Variants in REDIC1 observed in about 807,000 individuals in gnomAD.
REDIC1 encodes the protein regulator of DNA class I crossover intermediates 1, also known as HEI10 Interacting Protein 1.
the REDIC1 span, among the ~76,000 whole-genome samples, chr12:39,679,380 C>G: frequency 1.3e-5 from 2 of 152,100 alleles, no homozygotes; most frequent in Admixed American, 1.3e-4. Context: ...AGCTGAGAAT[C>G]AAATCAAGAA....
the REDIC1 span, among the ~76,000 whole-genome samples, chr12:39,832,069 C>T: frequency 6.6e-6 from 1 of 152,110 alleles, no homozygotes; most frequent in Non-Finnish European, 1.5e-5. Context: ...AATGACACTT[C>T]AGCCCTAGAC....
At chr12:39,881,470 G>T in the REDIC1 span, among the ~76,000 whole-genome samples, 1 of 152,074 alleles carries the variant, frequency 6.6e-6, no homozygotes, top group Non-Finnish European at 1.5e-5. Flanking sequence ...TTCTAATCTT[G>T]TCAGACAACA....
At chr12:39,896,487 T>C in the REDIC1 span, among the ~76,000 whole-genome samples, 4 of 147,744 alleles carry the variant, frequency 2.7e-5, no homozygotes, top group South Asian at 2.1e-4. Context: ...TATGTGTATA[T>C]ATGTACACAT....
the REDIC1 span, chr12:39,721,168 G>T: frequency 6.2e-7 from 1 of 1,613,660 alleles, no homozygotes; most frequent in South Asian, 1.1e-5. Flanking sequence ...TAGAAGTGAT[G>T]TTTCTCTTTG....
At chr12:39,675,994 A>T in the REDIC1 span, among the ~76,000 whole-genome samples, 1 of 152,138 alleles carries the variant, frequency 6.6e-6, no homozygotes, top group Non-Finnish European at 1.5e-5. Context: ...GTCCATCCAA[A>T]TGAGAAGGAA....
chr12:39,808,883 CA>C, the REDIC1 span, among the ~76,000 whole-genome samples: 2 of 152,086 alleles, frequency 1.3e-5, no homozygotes, highest in Non-Finnish European at 2.9e-5. Flanking sequence ...ATTCTCTTAA[CA>C]ATGTCTTTCA....
the REDIC1 span, among the ~76,000 whole-genome samples, chr12:39,711,435 A>G: frequency 1.4e-5 from 1 of 71,668 alleles, no homozygotes; most frequent in Non-Finnish European, 3.3e-5. Context: ...GTGTATATGT[A>G]TATGTGTGTA....
the REDIC1 span, among the ~76,000 whole-genome samples, chr12:39,834,273 A>G: frequency 6.6e-6 from 1 of 152,084 alleles, no homozygotes; most frequent in African/African-American, 2.4e-5. Context: ...ACATCTTCTC[A>G]GCAAAAAACT....
chr12:39,823,058 C>T, the REDIC1 span, among the ~76,000 whole-genome samples: 1 of 152,168 alleles, frequency 6.6e-6, no homozygotes. Flanking sequence ...AGCCTAGAGG[C>T]ATGTGATCTC....
the REDIC1 span, among the ~76,000 whole-genome samples, chr12:39,902,399 G>A: frequency 6.6e-6 from 1 of 151,670 alleles, no homozygotes; most frequent in Non-Finnish European, 1.5e-5. Context: ...TACACATGAA[G>A]AGAACTATTT....
chr12:39,670,162 G>T, the REDIC1 span, among the ~76,000 whole-genome samples: 3 of 151,794 alleles, frequency 2.0e-5, no homozygotes, highest in Non-Finnish European at 1.5e-5. Flanking sequence ...CTGTAGACTG[G>T]AGCTGTTCCT....
the REDIC1 span, among the ~76,000 whole-genome samples, chr12:39,664,681 C>T: frequency 6.6e-6 from 1 of 152,332 alleles, no homozygotes; most frequent in African/African-American, 2.4e-5. Context: ...AACTAGTTTA[C>T]AGTCCCACCA....
the REDIC1 span, among the ~76,000 whole-genome samples, chr12:39,769,856 C>T: frequency 2.9e-3 from 438 of 152,218 alleles, 1 homozygote; most frequent in African/African-American, 1.0e-2. Context: ...CAGCCCAACT[C>T]TCCCACCCTC....
the REDIC1 span, among the ~76,000 whole-genome samples, chr12:39,702,352 T>C: frequency 6.6e-6 from 1 of 152,176 alleles, no homozygotes; most frequent in Non-Finnish European, 1.5e-5. Flanking sequence ...GATAAATTAC[T>C]CAACACATAC....
chr12:39,907,295 T>C, the REDIC1 span, among the ~76,000 whole-genome samples: 2 of 152,150 alleles, frequency 1.3e-5, no homozygotes, highest in African/African-American at 2.4e-5. Flanking sequence ...AGAACATATA[T>C]GTATTATTCA....
the REDIC1 span, among the ~76,000 whole-genome samples, chr12:39,828,197 A>G: frequency 2.0e-5 from 3 of 152,224 alleles, no homozygotes; most frequent in African/African-American, 7.2e-5. Context: ...GGTAACCAAT[A>G]GCAGTGGTCC....
At chr12:39,772,968 T>C in the REDIC1 span, among the ~76,000 whole-genome samples, 1 of 152,214 alleles carries the variant, frequency 6.6e-6, no homozygotes. Context: ...ACTGAGAATG[T>C]GACATCACAC....
chr12:39,739,410 G>A, the REDIC1 span, among the ~76,000 whole-genome samples: 18 of 152,132 alleles, frequency 1.2e-4, no homozygotes, highest in South Asian at 6.2e-4. Context: ...CCTATTGAGC[G>A]CAGGCATTGA....
chr12:39,840,266 T>C, the REDIC1 span, among the ~76,000 whole-genome samples: 1 of 151,966 alleles, frequency 6.6e-6, no homozygotes, highest in African/African-American at 2.4e-5. Flanking sequence ...CCTTGTACTC[T>C]CCATTCTTAT....
Sources: gnomAD v4.1 joint callset for allele counts (sites outside exome capture counted in the v4.1 genomes callset) on GRCh38, gnomAD v4.1.1 for gene constraint, MANE v1.5 for transcripts, NCBI Gene and HGNC (gene_info 2026-07-23, HGNC 2026-07-21) for gene names.